Variants in CORO2A observed in about 807,000 individuals in gnomAD.
The protein encoded by CORO2A is coronin 2A, also known as coronin-2A.
CORO2A carries 47 observed loss-of-function variants against 62.4 expected under a neutral mutation model. That is an observed-to-expected ratio of 0.75 (90% CI 0.60 to 0.96). The LOEUF is 0.96. Ranked by LOEUF, CORO2A falls within the 40% of genes least tolerant of loss-of-function variation. CORO2A has a pLI of 0.00. For missense variants in CORO2A, 610 were observed against 684.1 expected (o/e 0.89, Z 1.21); for synonymous variants, 273 against 268.9 (o/e 1.02, Z -0.15).
chr9:98,178,619 C>T (rs1364906603), intron 1 of CORO2A, among the ~76,000 whole-genome samples: 1 of 152,188 alleles, frequency 6.6e-6, no homozygotes, highest in Admixed American at 6.5e-5. Flanking sequence ...GTTTCCCCTT[C>T]TCTCTGGAGA....
intron 2 of CORO2A, among the ~76,000 whole-genome samples, chr9:98,148,437 A>T (rs1827675257): frequency 6.6e-6 from 1 of 151,208 alleles, no homozygotes. Context: ...ATAAAAATTT[A>T]AAAAAAGAAA....
rs1349956537 is a variant in CORO2A at position 98,126,687 on chromosome 9, T to C, written c.1308A>G (p.Glu436=). 1.2e-6 allele frequency: 2 copies of C among 1,614,112 alleles called. No homozygotes were observed. Among genetic ancestry groups the C allele is most frequent in the Non-Finnish European group, 1.7e-6 (2 of 1,180,032 alleles). The change falls in exon 11 of 12, where the codon GAA becomes GAG. Residue 436 remains glutamate, a synonymous_variant. Transcript: ENST00000375077. ...ACAGGGAGGAAGACCTCCAGCCATC[T>C]TCTGCAGCCAGCTTTTCTGTCTGAT... ...LLNQTEKLAA[E]DGWRSSSLLE... is the part of the protein sequence containing the mutation.
chr9:98,163,755 A>T lies in CORO2A; in HGVS notation c.1-6095T>A, dbSNP rs1426151972. On this transcript the variant is annotated intron_variant, in intron 1 of 11. Coordinates refer to ENST00000375077, the MANE Select transcript of CORO2A (RefSeq NM_052820.4). ...ATGTGTGTGTGTGAGAGAGAGAGAG[A>T]GAGAGAGAGAGAGAGAGAGAAAGAG... Among the ~76,000 whole-genome samples, 10 of 143,496 alleles carry T rather than the reference A, an allele frequency of 7.0e-5. No individual in the cohort carries two copies. The South Asian group carries it at 2.1e-3, about 30-fold the overall frequency. The allele number at this position is 143,496 out of a possible 152,430, so 94.1% of individuals were successfully genotyped here.
chr9:98,143,287 A>G (rs949620779), intron 2 of CORO2A, among the ~76,000 whole-genome samples: 1 of 152,202 alleles, frequency 6.6e-6, no homozygotes, highest in Non-Finnish European at 1.5e-5. Flanking sequence ...GCTGACCTCC[A>G]TTGCCAGAAA....
intron 1 of CORO2A, among the ~76,000 whole-genome samples, chr9:98,185,609 A>ACC (rs1828229385): frequency 6.6e-6 from 1 of 152,178 alleles, no homozygotes; most frequent in Non-Finnish European, 1.5e-5. Context: ...GGTTGGCAGG[A>ACC]GGGGGCTCTG....
chr9:98,192,206 C>T (rs2118953885), intron 1 of CORO2A, among the ~76,000 whole-genome samples: 1 of 152,362 alleles, frequency 6.6e-6, no homozygotes, highest in East Asian at 1.9e-4. Flanking sequence ...TCGGGACCGG[C>T]TGGCCGCGCC....
At chr9:98,130,896 TGCTGTCTGCC>T in intron 7 of CORO2A, 49 bp downstream of exon 7, 1 of 1,402,508 alleles carries the variant, frequency 7.1e-7, no homozygotes, top group East Asian at 2.4e-5. Flanking sequence ...GGCCCCAGGC[TGCTGTCTGCC>T]GCTGTCTCAG....
At position 98,126,745 on chromosome 9, in the gene CORO2A, T is replaced by C. The variant is rs893002997; in HGVS notation, c.1250A>G (p.Asn417Ser). Reference protein sequence around the residue: ...HPLPAERPIFNSMAPASPRLL... With the variant: ...HPLPAERPIFSSMAPASPRLL... The stretch of plus-strand genomic sequence containing the variant: ...CCGGGGTGAGGCTGGGGCCATGGAA[T>C]TGAAGATAGGTCTCTCTGCAGGCAG... The change falls in exon 11 of 12, where the codon AAT becomes AGT. Residue 417 changes from asparagine (N) to serine (S), a missense_variant. By Grantham distance (46) the Asn-to-Ser change is conservative. Transcript: ENST00000375077. The C allele has an allele frequency of 2.5e-6, 4 of 1,614,046 alleles. No individual in the cohort carries two copies. The Admixed American group carries it at 5.0e-5, about 20-fold the overall frequency.
intron 1 of CORO2A, among the ~76,000 whole-genome samples, chr9:98,167,214 A>C (rs1827973601): frequency 6.6e-6 from 1 of 152,238 alleles, no homozygotes; most frequent in South Asian, 2.1e-4. Flanking sequence ...AGTTACAAAA[A>C]GACAGCGCAT....
chr9:98,164,414 T>C (rs555900704), intron 1 of CORO2A, among the ~76,000 whole-genome samples: 1 of 152,320 alleles, frequency 6.6e-6, no homozygotes, highest in Non-Finnish European at 1.5e-5. Flanking sequence ...CCAGAATCCT[T>C]ATGGGGTCTC....
chr9:98,159,111 G>A (rs1190864703), intron 1 of CORO2A, among the ~76,000 whole-genome samples: 2 of 151,322 alleles, frequency 1.3e-5, no homozygotes, highest in African/African-American at 4.9e-5. Context: ...CCAGGCTGGA[G>A]TGCAGTGGTG....
chr9:98,190,069 C>G (rs6478596), intron 1 of CORO2A, among the ~76,000 whole-genome samples: 94,230 of 151,986 alleles, frequency 0.62, 29,761 homozygotes, highest in African/African-American at 0.75. Flanking sequence ...ATTTTTAGTA[C>G]AGACAGGATT....
chr9:98,149,048 CTG>C (rs534453257), intron 2 of CORO2A, among the ~76,000 whole-genome samples: 13 of 152,218 alleles, frequency 8.5e-5, no homozygotes, highest in African/African-American at 2.9e-4. Flanking sequence ...TGTATCTTGA[CTG>C]TAGTGATGCC....
chr9:98,161,708 G>A (rs1564212298), intron 1 of CORO2A, among the ~76,000 whole-genome samples: 1 of 152,150 alleles, frequency 6.6e-6, no homozygotes, highest in Non-Finnish European at 1.5e-5. Context: ...GAAGTGGACG[G>A]GATGGTGGGG....
chr9:98,137,352 T>TG (rs1724987891), intron 3 of CORO2A, among the ~76,000 whole-genome samples: 2 of 152,124 alleles, frequency 1.3e-5, no homozygotes, highest in African/African-American at 4.8e-5. Flanking sequence ...CCATTTTATA[T>TG]GGGGGGGAAC....
intron 1 of CORO2A, among the ~76,000 whole-genome samples, chr9:98,173,057 C>T (rs545184060): frequency 6.6e-6 from 1 of 152,200 alleles, no homozygotes; most frequent in Non-Finnish European, 1.5e-5. Context: ...TGTAACCCAG[C>T]ACTTTAGGAG....
chr9:98,184,490 C>T (rs1828213960), intron 1 of CORO2A, among the ~76,000 whole-genome samples: 1 of 152,104 alleles, frequency 6.6e-6, no homozygotes, highest in South Asian at 2.1e-4. Flanking sequence ...TCATTCCACA[C>T]ATACTACTCT....
At chr9:98,187,920 T>C (rs1164368352) in intron 1 of CORO2A, among the ~76,000 whole-genome samples, 1 of 152,236 alleles carries the variant, frequency 6.6e-6, no homozygotes, top group Non-Finnish European at 1.5e-5. Context: ...ACAGTTTCAA[T>C]AAGCCATGTA....
At chr9:98,150,927 A>C (rs780624924) in intron 2 of CORO2A, among the ~76,000 whole-genome samples, 1 of 152,144 alleles carries the variant, frequency 6.6e-6, no homozygotes, top group African/African-American at 2.4e-5. Context: ...CCAGCATTCA[A>C]GGCTCTGCTC....
Sources: gnomAD v4.1 joint callset for allele counts (sites outside exome capture counted in the v4.1 genomes callset) on GRCh38, gnomAD v4.1.1 for gene constraint, MANE v1.5 for transcripts, NCBI Gene and HGNC (gene_info 2026-07-23, HGNC 2026-07-21) for gene names.